Variants in EPB41 observed in about 807,000 individuals in gnomAD.
EPB41 encodes the protein erythrocyte membrane protein band 4.1, also known as protein 4.1.
In EPB41, 65 loss-of-function variants were observed where a neutral mutation model predicts 108.0. The ratio of observed to expected loss-of-function variants is 0.60; its 90% confidence interval spans 0.49 to 0.74. The LOEUF (loss-of-function observed/expected upper bound fraction) is 0.74. Among genes scored for constraint, EPB41 ranks in the 30% least tolerant of loss-of-function variants. The pLI, the probability that EPB41 is intolerant of heterozygous loss-of-function variation, is 0.00. For synonymous variants in EPB41, 336 were observed against 358.9 expected (o/e 0.94, Z 0.72); for missense variants, 875 against 1,037.0 (o/e 0.84, Z 2.15).
At chr1:29,095,810 T>G (rs1663008614) in intron 16 of EPB41, among the ~76,000 whole-genome samples, 1 of 151,978 alleles carries the variant, frequency 6.6e-6, no homozygotes, top group South Asian at 2.1e-4. Flanking sequence ...GATGCACAAA[T>G]TGCATTGTGT....
rs531271299 is a variant in EPB41 at position 28,970,142 on chromosome 1, AG to A, written c.-7-17288del. 2.2e-3 allele frequency among the ~76,000 whole-genome samples: 338 copies of A among 152,312 alleles called. 1 individual carries two copies. Among genetic ancestry groups the A allele is most frequent in the African/African-American group, 7.6e-3 (317 of 41,574 alleles). ...TGGTACTAAATCTTGTCTCTGTGCC[AG>A]TATTATATTTTCTGGTGGCCTGTAG... is the stretch of plus-strand genomic sequence containing the variant. On this transcript the variant is annotated intron_variant, in intron 1 of 20. Coordinates refer to ENST00000343067, the MANE Select transcript of EPB41 (RefSeq NM_001376013.1).
intron 16 of EPB41, chr1:29,069,659 A>G (rs1650284959): frequency 5.9e-6 from 1 of 170,322 alleles, no homozygotes; most frequent in Non-Finnish European, 1.2e-5. Flanking sequence ...CTGCCATTAT[A>G]TTTGTAATAA....
chr1:28,943,820 A>G (rs1340013964), intron 1 of EPB41, among the ~76,000 whole-genome samples: 1 of 152,188 alleles, frequency 6.6e-6, no homozygotes, highest in Non-Finnish European at 1.5e-5. Flanking sequence ...TCAAAAGACT[A>G]AATATTGAGC....
chr1:29,058,588 G>A lies in EPB41; in HGVS notation c.1846-1G>A, dbSNP rs1218807112. The A allele has an allele frequency of 1.9e-6, 3 of 1,613,098 alleles. No individual in the cohort carries two copies. The East Asian group carries it at 6.7e-5, about 36-fold the overall frequency. Reference sequence around the variant, plus strand: ...TTACTACTTTTATTTCTTAAATGTAGGTGGAAAAAACCCACATCGAGGTGA... The same window carrying A: ...TTACTACTTTTATTTCTTAAATGTAAGTGGAAAAAACCCACATCGAGGTGA... On this transcript the variant is annotated splice_acceptor_variant, in intron 12 of 20. Coordinates refer to ENST00000343067, the MANE Select transcript of EPB41 (RefSeq NM_001376013.1). LOFTEE classifies it high-confidence loss of function.
chr1:28,994,899 A>G (rs900588851), intron 3 of EPB41, among the ~76,000 whole-genome samples: 14 of 132,596 alleles, frequency 1.1e-4, no homozygotes, highest in Admixed American at 8.9e-4. Context: ...GGCTCAAGCG[A>G]TCTGCCTGCC....
At chr1:29,098,170 G>A (rs900295331) in intron 17 of EPB41, among the ~76,000 whole-genome samples, 7 of 152,150 alleles carry the variant, frequency 4.6e-5, no homozygotes, top group Non-Finnish European at 8.8e-5. Flanking sequence ...TGATGTGGGA[G>A]GATCTCTTGA....
chr1:28,891,129 A>T (rs1323964357), intron 1 of EPB41: 1 of 329,320 alleles, frequency 3.0e-6, no homozygotes, highest in Admixed American at 6.5e-5. Flanking sequence ...GGGCACTGAA[A>T]GGCAACCTTG....
intron 16 of EPB41, among the ~76,000 whole-genome samples, chr1:29,075,156 C>CAAAAA (rs397979778): frequency 3.1e-5 from 3 of 97,528 alleles, no homozygotes; most frequent in African/African-American, 1.3e-4. Context: ...GACTCCGTCT[C>CAAAAA]AAAAAAAAAA....
At chr1:29,080,447 C>T (rs1278276482) in intron 16 of EPB41, among the ~76,000 whole-genome samples, 5 of 145,352 alleles carry the variant, frequency 3.4e-5, no homozygotes, top group African/African-American at 5.2e-5. Context: ...CTCACTCTGT[C>T]TCCCAGGCTG....
chr1:29,093,870 A>G (rs1218824941), intron 16 of EPB41, among the ~76,000 whole-genome samples: 1 of 151,934 alleles, frequency 6.6e-6, no homozygotes, highest in Non-Finnish European at 1.5e-5. Flanking sequence ...ACACCACTAC[A>G]CTCCAACCTG....
intron 16 of EPB41, among the ~76,000 whole-genome samples, chr1:29,079,518 C>G (rs1263081313): frequency 6.6e-6 from 1 of 151,208 alleles, no homozygotes; most frequent in African/African-American, 2.4e-5. Flanking sequence ...TTAAGTGATT[C>G]TCCTGCCTCA....
intron 1 of EPB41, among the ~76,000 whole-genome samples, chr1:28,939,939 G>A (rs2094205699): frequency 6.6e-6 from 1 of 152,174 alleles, no homozygotes; most frequent in East Asian, 1.9e-4. Flanking sequence ...CCATGTGATA[G>A]AAACTAGGGC....
intron 10 of EPB41, among the ~76,000 whole-genome samples, chr1:29,038,023 C>T (rs1258016645): frequency 1.3e-5 from 2 of 152,138 alleles, no homozygotes; most frequent in Non-Finnish European, 2.9e-5. Flanking sequence ...TCCCAGGCCT[C>T]ACGTCATTTC....
chr1:29,026,830 A>T (rs2096724852), intron 7 of EPB41, among the ~76,000 whole-genome samples: 1 of 151,574 alleles, frequency 6.6e-6, no homozygotes, highest in Non-Finnish European at 1.5e-5. Flanking sequence ...TTTTTGGCTC[A>T]CACCTTTAAT....
chr1:29,082,966 G>A (rs1245640533), intron 16 of EPB41, among the ~76,000 whole-genome samples: 1 of 152,056 alleles, frequency 6.6e-6, no homozygotes, highest in East Asian at 1.9e-4. Context: ...GCTGCATTGT[G>A]GAATTATTTT....
At chr1:29,043,590 T>G (rs1339152333) in intron 11 of EPB41, among the ~76,000 whole-genome samples, 2 of 152,176 alleles carry the variant, frequency 1.3e-5, no homozygotes, top group African/African-American at 4.8e-5. Context: ...TAGGTCTAGA[T>G]TCCAGAAAAT....
chr1:29,115,688 G>T lies in EPB41; in HGVS notation c.2497-11G>T, dbSNP rs757825744. 1.2e-6 allele frequency: 2 copies of T among 1,612,636 alleles called. No individual in the cohort carries two copies. On this transcript the variant is annotated splice_polypyrimidine_tract_variant and intron_variant, in intron 19 of 20. Coordinates refer to ENST00000343067, the MANE Select transcript of EPB41 (RefSeq NM_001376013.1). The surrounding 1 kb of genome is among the most constrained non-coding windows in gnomAD (Gnocchi z 4.4). ...TTTCTGCCTCATTGCCCTTGTTTCTGTCTTTTGTAGGTCCTTGTACAAGCC... is the reference window on the plus strand; with the variant it reads ...TTTCTGCCTCATTGCCCTTGTTTCTTTCTTTTGTAGGTCCTTGTACAAGCC...
chr1:28,974,003 C>G (rs1426410748), intron 1 of EPB41, among the ~76,000 whole-genome samples: 1 of 152,166 alleles, frequency 6.6e-6, no homozygotes, highest in Admixed American at 6.5e-5. Flanking sequence ...TTTGTTAGAG[C>G]AGCAATCATT....
chr1:29,044,069 T>C (rs919022398), intron 11 of EPB41, among the ~76,000 whole-genome samples: 3 of 152,254 alleles, frequency 2.0e-5, no homozygotes, highest in African/African-American at 7.2e-5. Context: ...GGCATAATCA[T>C]TTAATCTTCA....
Sources: allele counts gnomAD v4.1 joint callset (sites outside exome capture counted in the v4.1 genomes callset), GRCh38; gene constraint gnomAD v4.1.1; non-coding constraint Gnocchi (gnomAD v3.1); transcripts MANE v1.5; gene names NCBI Gene and HGNC (gene_info 2026-07-23, HGNC 2026-07-21).